Variants in DYNLL1 observed in about 807,000 individuals in gnomAD.
DYNLL1 encodes the protein dynein light chain 1, cytoplasmic.
A neutral mutation model predicts 10.1 loss-of-function variants in DYNLL1; 3 were observed. The observed-to-expected ratio is 0.30, with a 90% CI of 0.14 to 0.77. The LOEUF (loss-of-function observed/expected upper bound fraction) is 0.77, where lower values mean the gene tolerates loss of function less well. Among genes scored for constraint, DYNLL1 ranks in the 30% least tolerant of loss-of-function variants. The probability of loss-of-function intolerance (pLI) is 0.66; values close to 1 mark genes in which losing one functional copy is unlikely to be tolerated. For synonymous variants in DYNLL1, 46 were observed against 41.2 expected, an observed-to-expected ratio of 1.12 and a Z score of -0.45; for missense variants, 47 against 111.7, an observed-to-expected ratio of 0.42 and a Z score of 2.61.
chr12:120,497,739 T>G, intron 2 of DYNLL1: 1 of 236,414 alleles, frequency 4.2e-6, no homozygotes, highest in Non-Finnish European at 8.3e-6. Context: ...ACACAGAACA[T>G]GATAAACTAC....
intron 1 of DYNLL1, among the ~76,000 whole-genome samples, chr12:120,481,365 C>T (rs1013790985): frequency 3.9e-5 from 6 of 152,112 alleles, no homozygotes; most frequent in African/African-American, 1.2e-4. Context: ...CCCACAAGAC[C>T]GCCCCCACTT....
Position 120,496,122 on chromosome 12 carries a change from A to G in DYNLL1, c.-101A>G, listed in dbSNP as rs2137070739. 6 of 493,262 alleles carry G rather than the reference A, an allele frequency of 1.2e-5. No homozygotes were observed. The highest frequency in any genetic ancestry group is 6.9e-5 in the South Asian group (3 of 43,474). The allele number at this position is 493,262 out of a possible 1,614,324, so 30.6% of individuals were successfully genotyped here. ...TGGCGTGGGGCTGCTTAGATGCGCC[A>G]CGGTTTCGGTAGCGACGGTATCTCT... On this transcript the variant is annotated 5_prime_UTR_variant, in exon 1 of 3. Coordinates refer to ENST00000242577, the MANE Select transcript of DYNLL1 (RefSeq NM_003746.3).
In DYNLL1 at chr12:120,496,120, C is replaced by T. The variant is rs998426477; in HGVS notation, c.-103C>T. 1.6e-5 allele frequency: 8 copies of T among 493,270 alleles called. No homozygotes were observed. Among genetic ancestry groups the T allele is most frequent in the South Asian group, 2.3e-5 (1 of 43,462 alleles). The allele number at this position is 493,270 out of a possible 1,614,324, so 30.6% of individuals were successfully genotyped here. A position where few individuals can be genotyped will look rare whatever the true frequency, so the allele number is the denominator to read the frequency against. On this transcript the variant is annotated 5_prime_UTR_variant, in exon 1 of 3. Coordinates refer to ENST00000242577, the MANE Select transcript of DYNLL1 (RefSeq NM_003746.3). ...GCTGGCGTGGGGCTGCTTAGATGCGCCACGGTTTCGGTAGCGACGGTATCT... is the reference window on the plus strand; with the variant it reads ...GCTGGCGTGGGGCTGCTTAGATGCGTCACGGTTTCGGTAGCGACGGTATCT...
At chr12:120,491,893 T>C (rs921555010), upstream of DYNLL1, 1 of 152,152 alleles carries the variant, frequency 6.6e-6, no homozygotes, top group Admixed American at 6.6e-5. Context: ...ATCCAACACA[T>C]ATTTAGGGAG....
intron 1 of DYNLL1, among the ~76,000 whole-genome samples, chr12:120,472,064 TAA>T (rs1211432030): frequency 1.3e-5 from 2 of 152,210 alleles, no homozygotes; most frequent in South Asian, 2.1e-4. Flanking sequence ...ACACAATTAT[TAA>T]GTCATGTTTT....
intron 1 of DYNLL1, among the ~76,000 whole-genome samples, chr12:120,482,618 G>A (rs1301972638): frequency 1.3e-5 from 2 of 151,914 alleles, no homozygotes; most frequent in Non-Finnish European, 2.9e-5. Flanking sequence ...CACCATGCCC[G>A]GCCTAGCCAA....
intron 1 of DYNLL1, among the ~76,000 whole-genome samples, chr12:120,471,776 G>C (rs1878657677): frequency 6.6e-6 from 1 of 151,890 alleles, no homozygotes; most frequent in South Asian, 2.1e-4. Context: ...ACGCCCGGCT[G>C]ATTTTTTTAT....
At chr12:120,490,013 G>A (rs1462729372) in intron 1 of DYNLL1, among the ~76,000 whole-genome samples, 2 of 152,234 alleles carry the variant, frequency 1.3e-5, no homozygotes, top group African/African-American at 4.8e-5. Flanking sequence ...CTCCCAAAGT[G>A]CTAGGATTAC....
chr12:120,485,044 G>A (rs976655038), intron 1 of DYNLL1, among the ~76,000 whole-genome samples: 1 of 151,906 alleles, frequency 6.6e-6, no homozygotes, highest in Non-Finnish European at 1.5e-5. Context: ...CTGGCCGCAT[G>A]GGCTATAAAG....
At position 120,481,458 on chromosome 12, in the gene DYNLL1, C is replaced by T. The variant is rs79728570; in HGVS notation, c.-7+11354C>T. 9.7e-4 allele frequency among the ~76,000 whole-genome samples: 148 copies of T among 152,276 alleles called. 2 individuals are homozygous for T. In the East Asian group the frequency reaches 0.027, roughly 28 times the overall value. ...AAATTCAGAGGTTCCCACTCACCCC[C>T]TTCAGGTTCAATAATTTACTAGAGT... On this transcript the variant is annotated intron_variant, in intron 1 of 2. Transcript: ENST00000392509.
chr12:120,475,299 C>T (rs983964486), intron 1 of DYNLL1, among the ~76,000 whole-genome samples: 1 of 152,076 alleles, frequency 6.6e-6, no homozygotes, highest in African/African-American at 2.4e-5. Flanking sequence ...TGTAGCAGCT[C>T]GGTTGCTTTA....
Position 120,471,097 on chromosome 12 carries a change from C to T in DYNLL1, c.-7+993C>T, listed in dbSNP as rs1489660125. Among the ~76,000 whole-genome samples the T allele has an allele frequency of 2.0e-5, 3 of 151,482 alleles. No homozygotes were observed. In the East Asian group the frequency reaches 5.9e-4, roughly 30 times the overall value. On this transcript the variant is annotated intron_variant, in intron 1 of 2. Transcript: ENST00000392509. ...AATGAAACCTGGCTGGGCGTGGTGGCTCATGCCTGTAATCCCAGCACTTTA... is the reference window on the plus strand; with the variant it reads ...AATGAAACCTGGCTGGGCGTGGTGGTTCATGCCTGTAATCCCAGCACTTTA...
At chr12:120,480,256 G>A (rs1287049998) in intron 1 of DYNLL1, among the ~76,000 whole-genome samples, 3 of 152,162 alleles carry the variant, frequency 2.0e-5, no homozygotes, top group African/African-American at 7.2e-5. Flanking sequence ...AGCAGGAAAT[G>A]TACAGTTCTA....
intron 1 of DYNLL1, among the ~76,000 whole-genome samples, chr12:120,481,384 T>C (rs1427919178): frequency 6.6e-6 from 1 of 152,190 alleles, no homozygotes; most frequent in African/African-American, 2.4e-5. Context: ...TTTAGATGCC[T>C]GCACAAATGA....
intron 1 of DYNLL1, among the ~76,000 whole-genome samples, chr12:120,479,962 T>A (rs73221382): frequency 0.045 from 6,909 of 152,196 alleles, 263 homozygotes; most frequent in South Asian, 0.1. Flanking sequence ...TATCCCTGAA[T>A]AGGATGATTG....
intron 1 of DYNLL1, among the ~76,000 whole-genome samples, chr12:120,475,352 G>A (rs911149602): frequency 5.3e-5 from 8 of 152,102 alleles, no homozygotes; most frequent in Non-Finnish European, 8.8e-5. Context: ...TCTTCAAACA[G>A]CTTTTTATAT....
At chr12:120,495,711 G>T (rs1879250930), upstream of DYNLL1, 1 of 133,168 alleles carries the variant, frequency 7.5e-6, no homozygotes, top group Non-Finnish European at 1.6e-5. Context: ...GGGGGGGTGG[G>T]GGCAGGAATG....
rs1302756033 is a variant in DYNLL1, at chr12:120,496,284, C to T, written c.-7+68C>T. On this transcript the variant is annotated intron_variant, in intron 1 of 2. Transcript: ENST00000242577. ...TTCGCCCCACTCCGGACTTAGCCCT[C>T]CGCGTAGCCCGCGCTTCCTGAGAAG... The T allele has an allele frequency of 2.2e-6, 3 of 1,369,002 alleles. No individual in the cohort carries two copies. In the African/African-American group the frequency reaches 4.3e-5, roughly 20 times the overall value. 84.8% of individuals were successfully genotyped at this position (1,369,002 alleles called of 1,614,324 possible). A position where few individuals can be genotyped will look rare whatever the true frequency, so the allele number is the denominator to read the frequency against.
chr12:120,471,192 G>GC (rs1363827915), intron 1 of DYNLL1, among the ~76,000 whole-genome samples: 17 of 146,770 alleles, frequency 1.2e-4, no homozygotes, highest in South Asian at 4.3e-4. Flanking sequence ...GGCAAGACCC[G>GC]CCCCCCTACT....
Sources: gnomAD v4.1 joint callset for allele counts (sites outside exome capture counted in the v4.1 genomes callset) on GRCh38, gnomAD v4.1.1 for gene constraint, MANE v1.5 for transcripts, NCBI Gene and HGNC (gene_info 2026-07-23, HGNC 2026-07-21) for gene names.